Variants in PPP2R2C observed in about 807,000 individuals in gnomAD.
The protein encoded by PPP2R2C is protein phosphatase 2 regulatory subunit Bgamma, also known as protein phosphatase 2, regulatory subunit B, gamma.
Under a neutral mutation model 45.3 loss-of-function variants are expected in PPP2R2C, and 10 were observed. The ratio of observed to expected loss-of-function variants is 0.22; its 90% CI spans 0.14 to 0.37. The LOEUF is 0.37. PPP2R2C is among the 10% of genes least tolerant of loss of function. PPP2R2C has a pLI of 1.00. For synonymous variants in PPP2R2C, 257 were observed against 245.4 expected (o/e 1.05, Z -0.44); for missense variants, 308 against 619.7 (o/e 0.50, Z 5.34).
At chr4:6,473,028 T>C (rs77393414), upstream of PPP2R2C, among the ~76,000 whole-genome samples, 6,535 of 151,982 alleles carry the variant, frequency 0.043, 427 homozygotes, top group East Asian at 0.33. Flanking sequence ...GGACACTGTC[T>C]CCCTTCATTA....
intron 1 of PPP2R2C, among the ~76,000 whole-genome samples, chr4:6,445,179 A>G (rs549677723): frequency 2.6e-5 from 4 of 151,528 alleles, no homozygotes; most frequent in African/African-American, 2.4e-5. Context: ...ACAGAGTGAG[A>G]CCCTGTCTCA....
intron 1 of PPP2R2C, among the ~76,000 whole-genome samples, chr4:6,430,958 T>C (rs1719584389): frequency 6.6e-6 from 1 of 151,724 alleles, no homozygotes; most frequent in Non-Finnish European, 1.5e-5. Flanking sequence ...AAAAAAACTT[T>C]GCAGATCCCT....
In PPP2R2C at chr4:6,558,460, C is replaced by T. The variant is rs144812213; in HGVS notation, c.-59+5100G>A. ...TCCTGGGACCTGCAGGTGTGTGAGCCTTTACCTGCCACCTCTGGCTGCCTC... is the reference window on the plus strand; with the variant it reads ...TCCTGGGACCTGCAGGTGTGTGAGCTTTTACCTGCCACCTCTGGCTGCCTC... On this transcript the variant is annotated intron_variant, in intron 1 of 9. Coordinates refer to the PPP2R2C transcript ENST00000506140. 3.3e-3 allele frequency among the ~76,000 whole-genome samples: 496 copies of T among 152,252 alleles called. 2 individuals are homozygous for T. Among genetic ancestry groups the T allele is most frequent in the African/African-American group, 0.011 (470 of 41,532 alleles).
intron 5 of PPP2R2C, chr4:6,350,815 C>T: frequency 2.0e-6 from 2 of 985,408 alleles, no homozygotes; most frequent in Non-Finnish European, 2.4e-6. Flanking sequence ...ACTGTTCCCT[C>T]CGCAATGAGA....
chr4:6,508,628 G>A (rs1355095677), intron 2 of PPP2R2C, among the ~76,000 whole-genome samples: 1 of 151,826 alleles, frequency 6.6e-6, no homozygotes, highest in African/African-American at 2.4e-5. Context: ...AACACCTGAA[G>A]GTGATGACCA....
Position 6,324,536 on chromosome 4 carries a change from T to G in PPP2R2C, c.1053-943A>C, listed in dbSNP as rs191312827. On this transcript the variant is annotated intron_variant, in intron 8 of 8. Transcript: ENST00000382599. The surrounding 1 kb of genome is among the most constrained non-coding windows in gnomAD (Gnocchi z 4.1). ...CAGACTGTGCAACCACAGCAGGAGG[T>G]AGACATGGAAGCAGCTGGGACAGAA... 6.6e-6 allele frequency among the ~76,000 whole-genome samples: 1 copy of G among 151,638 alleles called. No homozygotes were observed. The highest frequency in any genetic ancestry group is 1.5e-5 in the Non-Finnish European group (1 of 67,920).
intron 2 of PPP2R2C, among the ~76,000 whole-genome samples, chr4:6,524,785 T>C (rs946727872): frequency 6.6e-6 from 1 of 152,204 alleles, no homozygotes; most frequent in African/African-American, 2.4e-5. Context: ...CTAAATTTCA[T>C]TTAGTTTGAA....
intron 2 of PPP2R2C, among the ~76,000 whole-genome samples, chr4:6,534,351 C>T (rs1724518608): frequency 6.6e-6 from 1 of 150,806 alleles, no homozygotes; most frequent in Admixed American, 6.6e-5. Context: ...ATCAATGCCA[C>T]ACATCAATAC....
At chr4:6,424,789 A>G (rs1296816361) in intron 1 of PPP2R2C, among the ~76,000 whole-genome samples, 1 of 152,156 alleles carries the variant, frequency 6.6e-6, no homozygotes, top group Non-Finnish European at 1.5e-5. Flanking sequence ...CTCAGCCCCC[A>G]TGAGACCTGG....
In PPP2R2C at chr4:6,428,344, C is replaced by T. The variant is rs374490749; in HGVS notation, c.70+43816G>A. ...GAGCAACTCCATAAGACCTGCTCAC[C>T]GCAAGAAGCCAGGGCAGGGCAAGCC... On this transcript the variant is annotated intron_variant, in intron 1 of 8. Coordinates refer to ENST00000382599, the MANE Select transcript of PPP2R2C (RefSeq NM_020416.4). 3.2e-4 allele frequency among the ~76,000 whole-genome samples: 48 copies of T among 152,286 alleles called. No individual in the cohort carries two copies. In the South Asian group the frequency reaches 9.1e-3, roughly 29 times the overall value.
At chr4:6,431,543 G>A (rs1052107757) in intron 1 of PPP2R2C, among the ~76,000 whole-genome samples, 15 of 152,192 alleles carry the variant, frequency 9.9e-5, no homozygotes, top group African/African-American at 3.6e-4. Flanking sequence ...GTGTCCCCAA[G>A]GGGCTAAGTC....
At chr4:6,469,173 AT>A (rs1721735205) in intron 1 of PPP2R2C, among the ~76,000 whole-genome samples, 1 of 150,780 alleles carries the variant, frequency 6.6e-6, no homozygotes, top group African/African-American at 2.4e-5. Flanking sequence ...TCTTCCTAAG[AT>A]GTTTGAGATT....
intron 1 of PPP2R2C, chr4:6,383,980 G>A (rs1017339281): frequency 1.5e-5 from 15 of 986,018 alleles, no homozygotes; most frequent in Admixed American, 6.1e-5. Context: ...CGGGCTGGAC[G>A]TATCCATCCA....
At chr4:6,522,404 C>T (rs1350824190) in intron 2 of PPP2R2C, among the ~76,000 whole-genome samples, 1 of 152,162 alleles carries the variant, frequency 6.6e-6, no homozygotes, top group African/African-American at 2.4e-5. Flanking sequence ...CCACAATGTG[C>T]CCCCCCAGAC....
intron 2 of PPP2R2C, among the ~76,000 whole-genome samples, chr4:6,499,083 C>T (rs1023520657): frequency 1.3e-5 from 2 of 152,128 alleles, no homozygotes; most frequent in Admixed American, 6.5e-5. Flanking sequence ...GTGCCCAAGG[C>T]AGATTGGGAG....
rs577855356 is a variant in PPP2R2C, at chr4:6,345,161, C to T, written c.790+2685G>A. ...CAATGAAGCCCCATCCTCCTTCCCA[C>T]AGGGCTCACACGGGGTCAGCAGCGG... On this transcript the variant is annotated intron_variant, in intron 6 of 8. Transcript: ENST00000382599. This position sits in a 1 kb window ranked among gnomAD's most constrained non-coding sequence, Gnocchi z 5.3. Among the ~76,000 whole-genome samples the T allele has an allele frequency of 6.6e-6, 1 of 152,324 alleles. No homozygotes were observed. Among genetic ancestry groups the T allele is most frequent in the South Asian group, 2.1e-4 (1 of 4,828 alleles).
intron 2 of PPP2R2C, among the ~76,000 whole-genome samples, chr4:6,503,860 C>T (rs943319951): frequency 1.2e-4 from 18 of 151,586 alleles, no homozygotes; most frequent in Admixed American, 6.6e-4. Context: ...AAAGTAGGTC[C>T]TATCAGACCA....
intron 2 of PPP2R2C, among the ~76,000 whole-genome samples, chr4:6,492,715 G>A (rs1722735134): frequency 1.3e-5 from 2 of 152,182 alleles, no homozygotes; most frequent in African/African-American, 4.8e-5. Context: ...CCACATGCCA[G>A]GCTCAGGCAC....
At chr4:6,493,730 C>A (rs766544176) in intron 2 of PPP2R2C, among the ~76,000 whole-genome samples, 1 of 152,214 alleles carries the variant, frequency 6.6e-6, no homozygotes, top group South Asian at 2.1e-4. Flanking sequence ...GACCTGGCTT[C>A]GCCCTCATTG....
Sources: allele counts gnomAD v4.1 joint callset (sites outside exome capture counted in the v4.1 genomes callset), GRCh38; gene constraint gnomAD v4.1.1; non-coding constraint Gnocchi (gnomAD v3.1); transcripts MANE v1.5; gene names NCBI Gene and HGNC (gene_info 2026-07-23, HGNC 2026-07-21).